Variants in FHIP2A observed in about 807,000 individuals in gnomAD.
The protein encoded by FHIP2A is family with sequence similarity 160 member B1.
A neutral mutation model predicts 93.5 loss-of-function variants in FHIP2A; 46 were observed. The ratio of observed to expected loss-of-function variants is 0.49; its 90% CI spans 0.39 to 0.63. FHIP2A has a LOEUF of 0.63. Among genes scored for constraint, FHIP2A ranks in the 20% least tolerant of loss-of-function variants. The probability of loss-of-function intolerance (pLI) is 0.00; values close to 1 mark genes in which losing one functional copy is unlikely to be tolerated. For missense variants in FHIP2A, 769 were observed against 909.7 expected, an observed-to-expected ratio of 0.85 and a Z score of 1.99; for synonymous variants, 332 against 326.5, an observed-to-expected ratio of 1.02 and a Z score of -0.18.
At chr10:114,877,060 G>A (rs1241341656) in intron 16 of FHIP2A, among the ~76,000 whole-genome samples, 12 of 152,154 alleles carry the variant, frequency 7.9e-5, no homozygotes, top group Non-Finnish European at 1.6e-4. Context: ...CTGAAGTTTT[G>A]TTCTGTTTAT....
intron 12 of FHIP2A, 123 bp from the exon 13 acceptor site, chr10:114,848,524 A>G: frequency 1.6e-6 from 1 of 631,194 alleles, no homozygotes; most frequent in Non-Finnish European, 2.8e-6. Context: ...TAGATGCTTT[A>G]GTACTTATAA....
At chr10:114,823,103 A>C (rs1472443508) in intron 1 of FHIP2A, among the ~76,000 whole-genome samples, 2 of 152,262 alleles carry the variant, frequency 1.3e-5, no homozygotes, top group African/African-American at 4.8e-5. Flanking sequence ...CTATGTTCAT[A>C]TTATGTGATA....
At position 114,830,929 on chromosome 10, in the gene FHIP2A, A is replaced by G. The variant is rs139652558; in HGVS notation, c.123A>G (p.Ser41=). Residue 41 remains serine, a splice_region_variant and synonymous_variant, in exon 2 of 17, where the codon TCA becomes TCG. Coordinates refer to ENST00000369248, the MANE Select transcript of FHIP2A (RefSeq NM_020940.4). Reference sequence around the variant, plus strand: ...TTACCCATTACTACATAGAGACTTCAGGTAAGGAACAATGCTGATATTAAC... The same window carrying G: ...TTACCCATTACTACATAGAGACTTCGGGTAAGGAACAATGCTGATATTAAC... The part of the protein sequence containing the change: ...KAITHYYIET[S]DDKAPVTDTN... The G allele has an allele frequency of 6.4e-7, 1 of 1,573,426 alleles. No individual in the cohort carries two copies. The highest frequency in any genetic ancestry group is 8.7e-7 in the Non-Finnish European group (1 of 1,154,806).
intron 16 of FHIP2A, among the ~76,000 whole-genome samples, chr10:114,881,940 G>C (rs544899453): frequency 5.3e-5 from 8 of 152,334 alleles, no homozygotes; most frequent in African/African-American, 1.9e-4. Context: ...GTGCACGTGC[G>C]CGTGTGTATG....
At chr10:114,824,503 C>A (rs1050461352) in intron 1 of FHIP2A, among the ~76,000 whole-genome samples, 1 of 152,122 alleles carries the variant, frequency 6.6e-6, no homozygotes, top group African/African-American at 2.4e-5. Context: ...TTGCTTAGAC[C>A]TAATGTTTTC....
chr10:114,823,661 A>AT lies in FHIP2A; in HGVS notation c.45+1555dup, dbSNP rs71007496. On this transcript the variant is annotated intron_variant, in intron 1 of 16. Transcript: ENST00000369248. ...AGGCACCCGCCACCACACACGGCTAATTTTTTTTTTTTTTTTTAGTAGAGA... is the reference window on the plus strand; with the variant it reads ...AGGCACCCGCCACCACACACGGCTAATTTTTTTTTTTTTTTTTTAGTAGAGA... Among the ~76,000 whole-genome samples the AT allele has an allele frequency of 7.3e-3, 1,015 of 139,466 alleles. 13 individuals are homozygous for AT. Among genetic ancestry groups the AT allele is most frequent in the African/African-American group, 0.021 (777 of 37,686 alleles). The allele number at this position is 139,466 out of a possible 152,430, so 91.5% of individuals were successfully genotyped here.
chr10:114,895,651 T>A (rs185997811), intron 16 of FHIP2A, among the ~76,000 whole-genome samples: 18 of 152,232 alleles, frequency 1.2e-4, no homozygotes, highest in African/African-American at 4.3e-4. Flanking sequence ...TTGAAAAAAA[T>A]TGAGGCTCCG....
chr10:114,823,616 T>C (rs77187689), intron 1 of FHIP2A, among the ~76,000 whole-genome samples: 2 of 151,168 alleles, frequency 1.3e-5, no homozygotes, highest in Non-Finnish European at 2.9e-5. Context: ...TGCCTCAGCC[T>C]CCCTAGTAGC....
At chr10:114,896,323 T>G (rs1435855833) in intron 16 of FHIP2A, among the ~76,000 whole-genome samples, 3 of 151,982 alleles carry the variant, frequency 2.0e-5, no homozygotes, top group Admixed American at 2.0e-4. Flanking sequence ...ACCTTGACCA[T>G]CTGAGGTTCT....
At chr10:114,838,592 T>C (rs1247861056) in intron 5 of FHIP2A, among the ~76,000 whole-genome samples, 2 of 152,208 alleles carry the variant, frequency 1.3e-5, no homozygotes, top group East Asian at 3.8e-4. Context: ...AAAGCTTTCT[T>C]AGATAACCTT....
At chr10:114,848,602 C>A (rs1363306178) in intron 12 of FHIP2A, 45 bp from the exon 13 acceptor site, 5 of 1,032,828 alleles carry the variant, frequency 4.8e-6, no homozygotes, top group Non-Finnish European at 7.3e-6. Context: ...TTTTTTTTTT[C>A]ATGCAAATGG....
In FHIP2A at chr10:114,846,666, A is replaced by T. The variant is rs749897012; in HGVS notation, c.1506A>T (p.Glu502Asp). 1.2e-6 allele frequency: 2 copies of T among 1,612,160 alleles called. No homozygotes were observed. The highest frequency in any genetic ancestry group is 1.7e-6 in the Non-Finnish European group (2 of 1,179,452). ...LRNLEERNYT[E>D]YKPLCPEDKD... ...ATCTTGAAGAAAGAAATTATACAGA[A>T]TATAAACCTTTGTGCCCAGAAGATA... is the stretch of plus-strand genomic sequence containing the variant. The change falls in exon 11 of 17, where the codon GAA becomes GAT. Residue 502 changes from glutamate to aspartate, a missense_variant. Coordinates refer to ENST00000369248, the MANE Select transcript of FHIP2A (RefSeq NM_020940.4).
At chr10:114,827,932 T>G (rs1418879757) in intron 1 of FHIP2A, among the ~76,000 whole-genome samples, 1 of 152,162 alleles carries the variant, frequency 6.6e-6, no homozygotes, top group Non-Finnish European at 1.5e-5. Flanking sequence ...AGATAGTCAT[T>G]GCATGAATTT....
intron 16 of FHIP2A, among the ~76,000 whole-genome samples, chr10:114,877,479 A>G (rs1392956310): frequency 2.6e-5 from 4 of 152,254 alleles, no homozygotes; most frequent in South Asian, 4.2e-4. Context: ...ATAATTATAT[A>G]TAAGTCTCAA....
In FHIP2A at chr10:114,846,052, T is replaced by C; in HGVS notation, c.1168T>C (p.Phe390Leu). ...TCTTGCCAAAGCTGTTCATGAAAGA[T>C]TTTTCATTGGTGTTATGGAACCTCA... ...VALAKAVHER[F>L]FIGVMEPQLM... Residue 390 changes from phenylalanine to leucine, a missense_variant, in exon 9 of 17, where the codon TTT becomes CTT. Coordinates refer to ENST00000369248, the MANE Select transcript of FHIP2A (RefSeq NM_020940.4). 6.2e-7 allele frequency: 1 copy of C among 1,614,138 alleles called. No individual in the cohort carries two copies. Among genetic ancestry groups the C allele is most frequent in the Non-Finnish European group, 8.5e-7 (1 of 1,179,998 alleles).
chr10:114,840,100 G>A (rs985298624), intron 5 of FHIP2A, among the ~76,000 whole-genome samples: 7 of 151,720 alleles, frequency 4.6e-5, no homozygotes, highest in African/African-American at 1.7e-4. Context: ...GGTCATCTTT[G>A]AAATGAGGCT....
At position 114,875,932 on chromosome 10, in the gene FHIP2A, G is replaced by GAA. The variant is rs746433082; in HGVS notation, c.2192+14599_2192+14600insAA. ...AAAGAGAAAGAAAGAAAGAAAGAAA[G>GAA]AGAAAGAAAAAGAACAGAAAGAAAG... On this transcript the variant is annotated intron_variant, in intron 16 of 16. Transcript: ENST00000369250. 3.0e-3 allele frequency among the ~76,000 whole-genome samples: 403 copies of GAA among 135,820 alleles called. 5 individuals are homozygous for GAA. Among genetic ancestry groups the GAA allele is most frequent in the Non-Finnish European group, 3.0e-3 (186 of 61,800 alleles). The allele number at this position is 135,820 out of a possible 152,430, so 89.1% of individuals were successfully genotyped here. A position where few individuals can be genotyped will look rare whatever the true frequency, so the allele number is the denominator to read the frequency against.
rs527300949 is a variant in FHIP2A, at chr10:114,853,497, ATAAAG to A, written c.1804-1694_1804-1690del. 2.1e-3 allele frequency among the ~76,000 whole-genome samples: 314 copies of A among 152,332 alleles called. 1 individual carries two copies. The highest frequency in any genetic ancestry group is 7.3e-3 in the African/African-American group (302 of 41,584). ...AGTAGCAAGTAACATTCAAATAACAATAAAGTAAAGACAATAAAAGTAAAATATAT... is the reference window on the plus strand; with the variant it reads ...AGTAGCAAGTAACATTCAAATAACAATAAAGACAATAAAAGTAAAATATAT... On this transcript the variant is annotated intron_variant, in intron 13 of 16. Transcript: ENST00000369248.
chr10:114,849,276 A>G (rs1436038399), intron 13 of FHIP2A, among the ~76,000 whole-genome samples: 2 of 151,840 alleles, frequency 1.3e-5, no homozygotes, highest in Non-Finnish European at 2.9e-5. Context: ...ACTTTAAATT[A>G]TATCTCACCC....
Sources: allele counts gnomAD v4.1 joint callset (sites outside exome capture counted in the v4.1 genomes callset), GRCh38; gene constraint gnomAD v4.1.1; transcripts MANE v1.5; gene names NCBI Gene and HGNC (gene_info 2026-07-23, HGNC 2026-07-21).